The following TMC1 variants were observed in gnomAD, a reference collection of about 807,000 sequenced individuals.
TMC1 encodes the protein transmembrane channel-like protein 1.
TMC1 carries 84 observed loss-of-function variants against 105.8 expected under a neutral mutation model. The ratio of observed to expected loss-of-function variants is 0.79; its 90% CI spans 0.67 to 0.95. The LOEUF (loss-of-function observed/expected upper bound fraction) is 0.95, where lower values mean the gene tolerates loss of function less well. Among genes scored for constraint, TMC1 ranks in the 40% least tolerant of loss-of-function variants. The probability of loss-of-function intolerance (pLI) is 0.00; values close to 1 mark genes in which losing one functional copy is unlikely to be tolerated. For missense variants in TMC1, 817 were observed against 914.1 expected, an observed-to-expected ratio of 0.89 and a Z score of 1.37; for synonymous variants, 315 against 311.5, an observed-to-expected ratio of 1.01 and a Z score of -0.12.
chr9:72,660,879 A>C (rs1383058156), intron 5 of TMC1, among the ~76,000 whole-genome samples: 1 of 152,190 alleles, frequency 6.6e-6, no homozygotes, highest in Non-Finnish European at 1.5e-5. Flanking sequence ...ATTTGGATGG[A>C]AATTATCAAT....
intron 12 of TMC1, among the ~76,000 whole-genome samples, chr9:72,764,580 A>G (rs1162657617): frequency 1.3e-5 from 2 of 152,190 alleles, no homozygotes; most frequent in Non-Finnish European, 2.9e-5. Flanking sequence ...GTTTTGATTC[A>G]TTAAATCCCA....
At chr9:72,822,691 G>A (rs72733090) in intron 20 of TMC1, among the ~76,000 whole-genome samples, 13,129 of 152,248 alleles carry the variant, frequency 0.086, 676 homozygotes, top group Non-Finnish European at 0.13. Flanking sequence ...CAAGGAATAT[G>A]CCATTCAAAG....
chr9:72,797,169 AG>A (rs1427902766), intron 17 of TMC1, among the ~76,000 whole-genome samples: 6 of 152,192 alleles, frequency 3.9e-5, no homozygotes. Context: ...AGGGAAGTGA[AG>A]GACCTCTTCA....
intron 1 of TMC1, among the ~76,000 whole-genome samples, chr9:72,546,098 C>T (rs1823763638): frequency 6.7e-6 from 1 of 149,308 alleles, no homozygotes; most frequent in African/African-American, 2.5e-5. Context: ...GCATGGCCAA[C>T]ATGGTGACAC....
chr9:72,571,276 T>C (rs143670048), intron 1 of TMC1, among the ~76,000 whole-genome samples: 1,569 of 151,048 alleles, frequency 0.01, 44 homozygotes, highest in Admixed American at 0.068. Flanking sequence ...TGAGCTGAGA[T>C]AGCACCATTG....
intron 2 of TMC1, among the ~76,000 whole-genome samples, chr9:72,586,313 T>A (rs1193406106): frequency 6.6e-6 from 1 of 152,184 alleles, no homozygotes; most frequent in Non-Finnish European, 1.5e-5. Flanking sequence ...GCATTTCTTT[T>A]ACCCACTCTT....
At chr9:72,539,691 T>C (rs889865758) in intron 1 of TMC1, among the ~76,000 whole-genome samples, 2 of 152,222 alleles carry the variant, frequency 1.3e-5, no homozygotes, top group African/African-American at 4.8e-5. Flanking sequence ...TGTCTTCTTC[T>C]GAGCCCTCCA....
chr9:72,795,585 G>A (rs749024525), intron 17 of TMC1, among the ~76,000 whole-genome samples: 3 of 152,202 alleles, frequency 2.0e-5, no homozygotes, highest in Non-Finnish European at 2.9e-5. Flanking sequence ...TAATTTTTGG[G>A]CAAGCAAATG....
chr9:72,810,048 C>T (rs564830316), intron 18 of TMC1, among the ~76,000 whole-genome samples: 1 of 144,702 alleles, frequency 6.9e-6, no homozygotes, highest in East Asian at 2.1e-4. Flanking sequence ...ATCAGGATTT[C>T]AAGAGATGAA....
intron 4 of TMC1, among the ~76,000 whole-genome samples, chr9:72,641,009 T>C (rs1048361970): frequency 6.6e-6 from 1 of 152,198 alleles, no homozygotes; most frequent in Non-Finnish European, 1.5e-5. Flanking sequence ...GCAGACAATA[T>C]GGACTAGATA....
Position 72,557,773 on chromosome 9 carries a change from C to CT in TMC1, c.-427-20128dup, listed in dbSNP as rs565546541. Among the ~76,000 whole-genome samples, 307 of 152,304 alleles carry CT rather than the reference C, an allele frequency of 2.0e-3. 2 individuals are homozygous for CT. The highest frequency in any genetic ancestry group is 7.1e-3 in the African/African-American group (294 of 41,564). On this transcript the variant is annotated intron_variant, in intron 1 of 23. Transcript: ENST00000297784. ...TCAAGATTTTCACTGAGTCATTTGC[C>CT]TGTGGCATTGATCTGCTCACTCAAG...
chr9:72,746,783 T>C (rs1588062653), intron 10 of TMC1, among the ~76,000 whole-genome samples: 1 of 152,154 alleles, frequency 6.6e-6, no homozygotes, highest in East Asian at 1.9e-4. Context: ...AAAAAATAGA[T>C]TTGATAATTC....
rs750746559 is a variant in TMC1, at chr9:72,805,403, T to C, written c.1588T>C (p.Ser530Pro). Reference sequence around the variant, plus strand: ...ACAGGAGTTTGTGAGGCTGACAGTCTCTGATGTTCTGACCACCTACGTCAC... The same window carrying C: ...ACAGGAGTTTGTGAGGCTGACAGTCCCTGATGTTCTGACCACCTACGTCAC... ...VGQEFVRLTVSDVLTTYVTIL... is the reference protein window; with the variant it reads ...VGQEFVRLTVPDVLTTYVTIL... Residue 530 changes from serine (S) to proline (P), a missense_variant, in exon 18 of 24, where the codon TCT becomes CCT. Coordinates refer to ENST00000297784, the MANE Select transcript of TMC1 (RefSeq NM_138691.3). 3 of 1,614,010 alleles carry C rather than the reference T, an allele frequency of 1.9e-6. No homozygotes were observed. Among genetic ancestry groups the C allele is most frequent in the South Asian group, 2.2e-5 (2 of 91,080 alleles).
chr9:72,725,325 G>GTGTATGTA (rs1346287163), intron 8 of TMC1, among the ~76,000 whole-genome samples: 1 of 77,684 alleles, frequency 1.3e-5, no homozygotes, highest in Non-Finnish European at 2.8e-5. Context: ...ATGTGTGTAT[G>GTGTATGTA]TATATATATA....
At chr9:72,755,005 C>T (rs2118067989) in intron 12 of TMC1, 121 bp downstream of exon 12, 2 of 493,660 alleles carry the variant, frequency 4.1e-6, no homozygotes, top group Admixed American at 4.7e-5. Flanking sequence ...GACGTCCCTG[C>T]TCCCTTTAAG....
rs553775262 is a variant in TMC1, at chr9:72,561,182, G to T, written c.-427-16720G>T. ...TAAAAATGCAAAAAATTAGCCGGGC[G>T]TGGTGGTGGGCACCTGTAGTCCCAG... On this transcript the variant is annotated intron_variant, in intron 1 of 23. Coordinates refer to ENST00000297784, the MANE Select transcript of TMC1 (RefSeq NM_138691.3). 4.6e-5 allele frequency among the ~76,000 whole-genome samples: 7 copies of T among 151,992 alleles called. No homozygotes were observed. The East Asian group carries it at 1.2e-3, about 26-fold the overall frequency.
At chr9:72,710,477 A>C (rs186899427) in intron 8 of TMC1, among the ~76,000 whole-genome samples, 1 of 152,154 alleles carries the variant, frequency 6.6e-6, no homozygotes, top group African/African-American at 2.4e-5. Context: ...GTTGCTGTCT[A>C]TCTCATTTCT....
At chr9:72,642,148 C>A (rs954867830) in intron 4 of TMC1, among the ~76,000 whole-genome samples, 4 of 152,076 alleles carry the variant, frequency 2.6e-5, no homozygotes, top group Non-Finnish European at 4.4e-5. Context: ...TTAAGGACTT[C>A]ACGAAGTAGA....
At chr9:72,833,754 T>A (rs766523407) in intron 23 of TMC1, among the ~76,000 whole-genome samples, 1 of 152,196 alleles carries the variant, frequency 6.6e-6, no homozygotes, top group African/African-American at 2.4e-5. Flanking sequence ...TTTTCAGAGG[T>A]TTCCCATGCC....
Sources: gnomAD v4.1 joint callset for allele counts (sites outside exome capture counted in the v4.1 genomes callset) on GRCh38, gnomAD v4.1.1 for gene constraint, MANE v1.5 for transcripts, NCBI Gene and HGNC (gene_info 2026-07-23, HGNC 2026-07-21) for gene names.